The following SYN3 variants were observed in gnomAD, a reference collection of about 807,000 sequenced individuals.
SYN3 encodes synapsin-3.
Under a neutral mutation model 65.8 loss-of-function variants are expected in SYN3, and 35 were observed. The observed-to-expected ratio is 0.53, with a 90% confidence interval of 0.41 to 0.70. The LOEUF (loss-of-function observed/expected upper bound fraction) is 0.70, where lower values mean the gene tolerates loss of function less well. Among genes scored for constraint, SYN3 ranks in the 30% least tolerant of loss-of-function variants. SYN3 has a pLI of 0.00. For missense variants in SYN3, 680 were observed against 749.0 expected (o/e 0.91, Z 1.08); for synonymous variants, 270 against 292.9 (o/e 0.92, Z 0.80).
At chr22:32,966,602 G>A (rs2051853953) in intron 3 of SYN3, among the ~76,000 whole-genome samples, 1 of 152,144 alleles carries the variant, frequency 6.6e-6, no homozygotes, top group East Asian at 1.9e-4. Flanking sequence ...CTTCCCAGAT[G>A]AGCCAGCATA....
intron 6 of SYN3, among the ~76,000 whole-genome samples, chr22:32,597,204 CTTTTTTTTTTTTTT>C (rs6147592): frequency 1.6e-4 from 14 of 87,372 alleles, no homozygotes; most frequent in East Asian, 6.9e-4. Context: ...ACATTATTCT[CTTTTTTTTTTTTTT>C]TTTTTTTTTT....
At chr22:32,919,263 C>T (rs1164970483) in intron 4 of SYN3, among the ~76,000 whole-genome samples, 1 of 152,216 alleles carries the variant, frequency 6.6e-6, no homozygotes, top group African/African-American at 2.4e-5. Flanking sequence ...CCTCAGGAGG[C>T]CTTCCCTGCT....
At chr22:32,873,384 G>T (rs971940835) in intron 4 of SYN3, among the ~76,000 whole-genome samples, 1 of 152,182 alleles carries the variant, frequency 6.6e-6, no homozygotes, top group African/African-American at 2.4e-5. Context: ...GAGCAAGTGT[G>T]TGCTGGAAGC....
intron 7 of SYN3, among the ~76,000 whole-genome samples, chr22:32,565,194 C>T (rs956866607): frequency 2.7e-5 from 4 of 145,970 alleles, no homozygotes; most frequent in African/African-American, 5.1e-5. Context: ...ACAGTGCTCT[C>T]GGACTGCACC....
chr22:32,699,869 T>A (rs1601937488), intron 6 of SYN3, among the ~76,000 whole-genome samples: 1 of 152,296 alleles, frequency 6.6e-6, no homozygotes, highest in South Asian at 2.1e-4. Flanking sequence ...AGGCAAGGTC[T>A]ATGACTCATA....
At chr22:32,728,201 T>C (rs2061223452) in intron 6 of SYN3, among the ~76,000 whole-genome samples, 1 of 152,214 alleles carries the variant, frequency 6.6e-6, no homozygotes, top group South Asian at 2.1e-4. Context: ...ATGATGAAGA[T>C]GCGAAAAGCA....
intron 7 of SYN3, among the ~76,000 whole-genome samples, chr22:32,576,705 C>T (rs988783488): frequency 2.0e-5 from 3 of 152,084 alleles, no homozygotes; most frequent in South Asian, 2.1e-4. Context: ...GCATCCTTAT[C>T]TCATTCCTCA....
chr22:32,807,093 A>G (rs2046761430), intron 6 of SYN3, among the ~76,000 whole-genome samples: 1 of 150,880 alleles, frequency 6.6e-6, no homozygotes, highest in African/African-American at 2.4e-5. Context: ...GCTGGGACCC[A>G]GTCTCCTGAC....
At chr22:32,594,161 A>T (rs2059165445) in intron 7 of SYN3, among the ~76,000 whole-genome samples, 1 of 152,066 alleles carries the variant, frequency 6.6e-6, no homozygotes, top group South Asian at 2.1e-4. Flanking sequence ...GGGGGCAGAC[A>T]TAGGATGATG....
At position 32,510,984 on chromosome 22, in the gene SYN3, C is replaced by CGTGTGTGTGT. The variant is rs111308299; in HGVS notation, c.*2698_*2707dup. ...TGTCAATTCCAAGTTATTGTCCAGG[C>CGTGTGTGTGT]GTGTGTGTGTGTGTGTGTGTGTGTG... On this transcript the variant is annotated 3_prime_UTR_variant, in exon 14 of 14. Transcript: ENST00000358763. 0.015 allele frequency among the ~76,000 whole-genome samples: 2,211 copies of CGTGTGTGTGT among 142,964 alleles called. 32 individuals carry two copies. Among genetic ancestry groups the CGTGTGTGTGT allele is most frequent in the East Asian group, 0.046 (225 of 4,876 alleles). The allele number at this position is 142,964 out of a possible 152,430, so 93.8% of individuals were successfully genotyped here. A position where few individuals can be genotyped will look rare whatever the true frequency, so the allele number is the denominator to read the frequency against.
At chr22:32,976,670 G>A (rs181794750) in intron 3 of SYN3, among the ~76,000 whole-genome samples, 2 of 152,270 alleles carry the variant, frequency 1.3e-5, no homozygotes, top group East Asian at 3.9e-4. Flanking sequence ...AGAGCCAGTA[G>A]GGCATTCTGG....
chr22:33,001,332 C>T lies in SYN3; in HGVS notation c.311+5020G>A, dbSNP rs200538723. ...CTTCCTGTGGAATAGAGAGACTGAA[C>T]ATCAAATTCAAAATTTAAATGTTAT... On this transcript the variant is annotated intron_variant, in intron 2 of 13. Coordinates refer to ENST00000358763, the MANE Select transcript of SYN3 (RefSeq NM_003490.4). Among the ~76,000 whole-genome samples the T allele has an allele frequency of 2.4e-3, 373 of 152,262 alleles. 1 individual carries two copies. Among genetic ancestry groups the T allele is most frequent in the Non-Finnish European group, 4.4e-3 (300 of 68,022 alleles).
At chr22:33,000,233 A>G (rs1051587670) in intron 2 of SYN3, among the ~76,000 whole-genome samples, 4 of 151,982 alleles carry the variant, frequency 2.6e-5, no homozygotes. Flanking sequence ...ATTGTCCCCC[A>G]CCATCCCAGA....
intron 3 of SYN3, among the ~76,000 whole-genome samples, chr22:32,943,860 C>T (rs1419739294): frequency 6.6e-6 from 1 of 152,192 alleles, no homozygotes; most frequent in East Asian, 1.9e-4. Flanking sequence ...AAGACCATTA[C>T]ATAATGGTAA....
At chr22:32,949,387 G>T (rs1406622289) in intron 3 of SYN3, among the ~76,000 whole-genome samples, 1 of 151,938 alleles carries the variant, frequency 6.6e-6, no homozygotes, top group African/African-American at 2.4e-5. Flanking sequence ...CTGCACTCCG[G>T]CCTGGGAGAC....
At chr22:32,613,202 A>T (rs1026933371) in intron 6 of SYN3, among the ~76,000 whole-genome samples, 4 of 151,984 alleles carry the variant, frequency 2.6e-5, no homozygotes, top group African/African-American at 7.2e-5. Flanking sequence ...AAATTAAAAA[A>T]TTTTAATTAA....
intron 6 of SYN3, chr22:32,857,481 TA>T: frequency 1.3e-6 from 1 of 790,618 alleles, no homozygotes; most frequent in Non-Finnish European, 2.2e-6. Context: ...AAGGAGTCTC[TA>T]ATGTTGAATT....
intron 6 of SYN3, among the ~76,000 whole-genome samples, chr22:32,601,731 G>T (rs1200924642): frequency 1.3e-5 from 2 of 152,218 alleles, no homozygotes; most frequent in Non-Finnish European, 2.9e-5. Context: ...GGGAGTTCAG[G>T]TTGCTTGGAT....
intron 6 of SYN3, among the ~76,000 whole-genome samples, chr22:32,787,453 T>C (rs571187157): frequency 1.3e-5 from 2 of 152,340 alleles, no homozygotes; most frequent in East Asian, 3.9e-4. Flanking sequence ...TCGCTTCCTA[T>C]TGGTGCCCTT....
Sources: gnomAD v4.1 joint callset for allele counts (sites outside exome capture counted in the v4.1 genomes callset) on GRCh38, gnomAD v4.1.1 for gene constraint, MANE v1.5 for transcripts, NCBI Gene and HGNC (gene_info 2026-07-23, HGNC 2026-07-21) for gene names.